Variants in ATP8B2 observed in about 807,000 individuals in gnomAD.
ATP8B2 encodes the protein ATPase phospholipid transporting 8B2.
A neutral mutation model predicts 133.4 loss-of-function variants in ATP8B2; 70 were observed. The ratio of observed to expected loss-of-function variants is 0.52; its 90% CI spans 0.43 to 0.64. The LOEUF (loss-of-function observed/expected upper bound fraction) is 0.64. Among genes scored for constraint, ATP8B2 ranks in the 30% least tolerant of loss-of-function variants. The pLI is 0.00. For synonymous variants in ATP8B2, 517 were observed against 589.5 expected (o/e 0.88, Z 1.78); for missense variants, 1,101 against 1,535.7 (o/e 0.72, Z 4.73).
chr1:154,343,506 C>G lies in ATP8B2; in HGVS notation c.1696C>G (p.Leu566Val), dbSNP rs566349693. The G allele has an allele frequency of 3.7e-6, 6 of 1,613,996 alleles. No individual in the cohort carries two copies. The highest frequency in any genetic ancestry group is 5.1e-6 in the Non-Finnish European group (6 of 1,180,046). ...CTACTGCAAAGGGGCTGACACTATC[C>G]TACTGGACAGACTGCACCACTCCAC... is the stretch of plus-strand genomic sequence containing the variant. ...RLYCKGADTILLDRLHHSTQE... is the reference protein window; with the variant it reads ...RLYCKGADTIVLDRLHHSTQE... Residue 566 changes from leucine to valine, a missense_variant, in exon 17 of 28, where the codon CTA (leucine) becomes GTA (valine). Coordinates refer to ENST00000368489, the MANE Select transcript of ATP8B2 (RefSeq NM_001370597.1). The surrounding 1 kb of genome is among the most constrained non-coding windows in gnomAD (Gnocchi z 5.8).
chr1:154,341,536 A>T (rs768984288), intron 13 of ATP8B2: 14 of 197,708 alleles, frequency 7.1e-5, no homozygotes, highest in Non-Finnish European at 1.4e-4. Flanking sequence ...TCTGTGTCCC[A>T]TGTCAAGAAG....
chr1:154,337,228 C>T (rs1686218209), intron 11 of ATP8B2, 120 bp from the exon 12 acceptor site: 5 of 1,181,754 alleles, frequency 4.2e-6, no homozygotes, highest in Non-Finnish European at 5.9e-6. Flanking sequence ...ATGGGTTGGA[C>T]AAGCTTGCAC....
At position 154,343,601 on chromosome 1, in the gene ATP8B2, G is replaced by T. The variant is rs1197956269; in HGVS notation, c.1758+33G>T. 7 of 1,594,638 alleles carry T rather than the reference G, an allele frequency of 4.4e-6. No homozygotes were observed. The highest frequency in any genetic ancestry group is 2.7e-5 in the African/African-American group (2 of 74,358). On this transcript the variant is annotated intron_variant, in intron 17 of 27. Coordinates refer to ENST00000368489, the MANE Select transcript of ATP8B2 (RefSeq NM_001370597.1). This position sits in a 1 kb window ranked among gnomAD's most constrained non-coding sequence, Gnocchi z 5.8. ...TGAGGAGAGGAGGGGCCAGCCTGGG[G>T]GGTTCTACTCTTAGTGTGGGGGAGG...
chr1:154,342,387 T>G, intron 13 of ATP8B2, 93 bp from the exon 14 acceptor site: 6 of 1,282,050 alleles, frequency 4.7e-6, no homozygotes, highest in Non-Finnish European at 6.8e-6. Flanking sequence ...AGGGGCTCAG[T>G]GCCTACGGGG....
rs1686127628 is a variant in ATP8B2 at position 154,334,977 on chromosome 1, C to T, written c.837+386C>T. 6.6e-6 allele frequency among the ~76,000 whole-genome samples: 1 copy of T among 152,158 alleles called. No individual in the cohort carries two copies. The highest frequency in any genetic ancestry group is 2.1e-4 in the South Asian group (1 of 4,824). On this transcript the variant is annotated intron_variant, in intron 11 of 27. Transcript: ENST00000368489. The surrounding 1 kb of genome is among the most constrained non-coding windows in gnomAD (Gnocchi z 4.6). ...GGTTGGCAGGGTCTTTTCCCCCCAA[C>T]TTCTAAGAACGAAGGATCCCAAAGG...
intron 12 of ATP8B2, chr1:154,337,978 A>T (rs907544647): frequency 3.4e-6 from 1 of 295,740 alleles, no homozygotes; most frequent in Admixed American, 4.9e-5. Flanking sequence ...GGATACAGAG[A>T]TGTATAAGGT....
rs375188518 is a variant in ATP8B2 at position 154,343,865 on chromosome 1, C to G, written c.1759-28C>G. ...TGTCCATTAGCTCTCCAGACTTACC[C>G]AGGTGTGCCTTTCCACTCTGCCTCC... On this transcript the variant is annotated intron_variant, in intron 17 of 27. Coordinates refer to ENST00000368489, the MANE Select transcript of ATP8B2 (RefSeq NM_001370597.1). The surrounding 1 kb of genome is among the most constrained non-coding windows in gnomAD (Gnocchi z 5.8). 10 of 1,583,556 alleles carry G rather than the reference C, an allele frequency of 6.3e-6. No individual in the cohort carries two copies. Among genetic ancestry groups the G allele is most frequent in the Non-Finnish European group, 6.0e-6 (7 of 1,165,132 alleles).
intron 12 of ATP8B2, 68 bp downstream of exon 12, chr1:154,337,612 A>G (rs1686232836): frequency 6.2e-7 from 1 of 1,614,122 alleles, no homozygotes; most frequent in East Asian, 2.2e-5. Context: ...TTTCTTTTCT[A>G]TGAAGATGAA....
rs1686094956 is a variant in ATP8B2, at chr1:154,334,103, T to A, written c.590-4T>A. The A allele has an allele frequency of 6.2e-7, 1 of 1,613,966 alleles. No homozygotes were observed. The stretch of plus-strand genomic sequence containing the variant: ...AAGCAGTGGAATTCTTGTCTCCTGT[T>A]CAGGTGAAGTGATCTGTGAACCTCC... On this transcript the variant is annotated splice_region_variant and splice_polypyrimidine_tract_variant and intron_variant, in intron 9 of 27. Transcript: ENST00000368489. This position sits in a 1 kb window ranked among gnomAD's most constrained non-coding sequence, Gnocchi z 4.6.
At chr1:154,332,949 T>G (rs961963764) in intron 9 of ATP8B2, among the ~76,000 whole-genome samples, 1 of 152,166 alleles carries the variant, frequency 6.6e-6, no homozygotes, top group African/African-American at 2.4e-5. Context: ...AGCTTATTCT[T>G]TTAGCTTATT....
Position 154,331,923 on chromosome 1 carries a change from A to G in ATP8B2, c.439-31A>G, listed in dbSNP as rs1686008397. On this transcript the variant is annotated intron_variant, in intron 7 of 27. Coordinates refer to ENST00000368489, the MANE Select transcript of ATP8B2 (RefSeq NM_001370597.1). This position sits in a 1 kb window ranked among gnomAD's most constrained non-coding sequence, Gnocchi z 4.8. ...GCCCACTGGGGGTGGAGGTTTGCAT[A>G]TTTGGACTTCTCATTAGTTTTTCTC... The G allele has an allele frequency of 6.3e-7, 1 of 1,599,250 alleles. No individual in the cohort carries two copies. The highest frequency in any genetic ancestry group is 1.7e-5 in the Admixed American group (1 of 59,984).
At position 154,344,275 on chromosome 1, in the gene ATP8B2, A is replaced by AT. The variant is rs1686502289; in HGVS notation, c.2035+21_2035+22insT. 1 of 1,614,174 alleles carries AT rather than the reference A, an allele frequency of 6.2e-7. No homozygotes were observed. Among genetic ancestry groups the AT allele is most frequent in the Non-Finnish European group, 8.5e-7 (1 of 1,179,984 alleles). ...GCAAGGTGAGAGCCCAGCAGGGCAG[A>AT]GCCAGTTGCAACTGACAGTAGCCCT... On this transcript the variant is annotated intron_variant, in intron 19 of 27. Coordinates refer to ENST00000368489, the MANE Select transcript of ATP8B2 (RefSeq NM_001370597.1). The surrounding 1 kb of genome is among the most constrained non-coding windows in gnomAD (Gnocchi z 4.1).
intron 12 of ATP8B2, 125 bp downstream of exon 12, chr1:154,337,669 A>C (rs1426465543): frequency 1.3e-6 from 2 of 1,598,690 alleles, no homozygotes; most frequent in Admixed American, 3.5e-5. Flanking sequence ...TACTGTAAAC[A>C]TTTGATGTTA....
At position 154,333,524 on chromosome 1, in the gene ATP8B2, A is replaced by C. The variant is rs576752571; in HGVS notation, c.590-583A>C. Among the ~76,000 whole-genome samples the C allele has an allele frequency of 2.6e-3, 389 of 151,888 alleles. 3 individuals carry two copies. The highest frequency in any genetic ancestry group is 8.9e-3 in the African/African-American group (367 of 41,432). On this transcript the variant is annotated intron_variant, in intron 9 of 27. Transcript: ENST00000368489. Reference sequence around the variant, plus strand: ...GTCTCAAAAAAAAAAAAGAAGAAGAAAATAGCTCTTCCTTCCTCTTCTACC... The same window carrying C: ...GTCTCAAAAAAAAAAAAGAAGAAGACAATAGCTCTTCCTTCCTCTTCTACC...
At chr1:154,330,773 GGGACTGGAGACT>G in intron 3 of ATP8B2, 30 bp from the exon 4 acceptor site, 1 of 1,530,688 alleles carries the variant, frequency 6.5e-7, no homozygotes, top group Non-Finnish European at 9.1e-7. Flanking sequence ...GTTCTGGGTT[GGGACTGGAGACT>G]GCTCATTATC....
Position 154,343,870 on chromosome 1 carries a change from G to A in ATP8B2, c.1759-23G>A. 6.3e-7 allele frequency: 1 copy of A among 1,589,424 alleles called. No homozygotes were observed. Among genetic ancestry groups the A allele is most frequent in the Non-Finnish European group, 8.6e-7 (1 of 1,167,654 alleles). On this transcript the variant is annotated intron_variant, in intron 17 of 27. Transcript: ENST00000368489. The surrounding 1 kb of genome is among the most constrained non-coding windows in gnomAD (Gnocchi z 5.8). ...ATTAGCTCTCCAGACTTACCCAGGT[G>A]TGCCTTTCCACTCTGCCTCCAGGAG...
rs753183263 is a variant in ATP8B2 at position 154,344,432 on chromosome 1, G to A, written c.2073G>A (p.Leu691=). 3 of 1,614,184 alleles carry A rather than the reference G, an allele frequency of 1.9e-6. No homozygotes were observed. The highest frequency in any genetic ancestry group is 1.3e-5 in the African/African-American group (1 of 75,040). The part of the protein sequence containing the change: ...AVNIGYSCKM[L]TDDMTEVFIV... ...ACATCGGCTATTCCTGCAAGATGCTGACGGATGACATGACTGAGGTTTTCA... is the reference window on the plus strand; with the variant it reads ...ACATCGGCTATTCCTGCAAGATGCTAACGGATGACATGACTGAGGTTTTCA... The change falls in exon 20 of 28, where the codon CTG becomes CTA. Residue 691 remains leucine, a synonymous_variant. Transcript: ENST00000368489. This position sits in a 1 kb window ranked among gnomAD's most constrained non-coding sequence, Gnocchi z 4.1.
In ATP8B2 at chr1:154,334,227, G is replaced by A. The variant is rs1357697076; in HGVS notation, c.710G>A (p.Arg237Gln). ...ATGCTGCTGCGGGGCTGTGTGCTGCGAAACACCGAGTGGTGCTTCGGGCTG... is the reference window on the plus strand; with the variant it reads ...ATGCTGCTGCGGGGCTGTGTGCTGCAAAACACCGAGTGGTGCTTCGGGCTG... ...QNMLLRGCVL[R>Q]NTEWCFGLVI... is the part of the protein sequence containing the mutation. Residue 237 changes from arginine to glutamine, a missense_variant, in exon 10 of 28, where the codon CGA becomes CAA. Arg to Gln is a conservative substitution (Grantham distance 43). Transcript: ENST00000368489. This position sits in a 1 kb window ranked among gnomAD's most constrained non-coding sequence, Gnocchi z 4.6. 6.2e-7 allele frequency: 1 copy of A among 1,614,180 alleles called. No homozygotes were observed. The highest frequency in any genetic ancestry group is 8.5e-7 in the Non-Finnish European group (1 of 1,180,036).
chr1:154,343,601 G>C lies in ATP8B2; in HGVS notation c.1758+33G>C, dbSNP rs1197956269. The C allele has an allele frequency of 3.1e-6, 5 of 1,594,754 alleles. No individual in the cohort carries two copies. Among genetic ancestry groups the C allele is most frequent in the Non-Finnish European group, 4.3e-6 (5 of 1,163,108 alleles). On this transcript the variant is annotated intron_variant, in intron 17 of 27. Coordinates refer to ENST00000368489, the MANE Select transcript of ATP8B2 (RefSeq NM_001370597.1). The surrounding 1 kb of genome is among the most constrained non-coding windows in gnomAD (Gnocchi z 5.8). ...TGAGGAGAGGAGGGGCCAGCCTGGG[G>C]GGTTCTACTCTTAGTGTGGGGGAGG...
Sources: allele counts gnomAD v4.1 joint callset (sites outside exome capture counted in the v4.1 genomes callset), GRCh38; gene constraint gnomAD v4.1.1; non-coding constraint Gnocchi (gnomAD v3.1); transcripts MANE v1.5; gene names NCBI Gene and HGNC (gene_info 2026-07-23, HGNC 2026-07-21).